The following GUCY1B1 variants were observed in gnomAD, a reference collection of about 807,000 sequenced individuals.
The protein encoded by GUCY1B1 is guanylate cyclase soluble subunit beta-1.
In GUCY1B1, 43 loss-of-function variants were observed where a neutral mutation model predicts 71.0. The ratio of observed to expected loss-of-function variants is 0.61; its 90% CI spans 0.47 to 0.78. The LOEUF (loss-of-function observed/expected upper bound fraction) is 0.78. Ranked by LOEUF, GUCY1B1 falls within the 30% of genes least tolerant of loss-of-function variation. The probability of loss-of-function intolerance (pLI) is 0.00; values close to 1 mark genes in which losing one functional copy is unlikely to be tolerated. For synonymous variants in GUCY1B1, 266 were observed against 259.7 expected, an observed-to-expected ratio of 1.02 and a Z score of -0.23; for missense variants, 535 against 754.1, an observed-to-expected ratio of 0.71 and a Z score of 3.40.
intron 2 of GUCY1B1, among the ~76,000 whole-genome samples, chr4:155,772,431 C>A (rs1242388711): frequency 6.6e-6 from 1 of 152,100 alleles, no homozygotes; most frequent in Non-Finnish European, 1.5e-5. Context: ...TGTTTGTTAG[C>A]TGAGTCAGGA....
chr4:155,785,108 C>A (rs1025980014), intron 4 of GUCY1B1, among the ~76,000 whole-genome samples: 2 of 152,132 alleles, frequency 1.3e-5, no homozygotes, highest in African/African-American at 4.8e-5. Context: ...AGTAGAAAAA[C>A]CACATTCATT....
At chr4:155,800,131 A>G in intron 9 of GUCY1B1, 57 bp downstream of exon 9, 2 of 1,215,662 alleles carry the variant, frequency 1.6e-6, no homozygotes, top group Non-Finnish European at 2.3e-6. Flanking sequence ...TGACTCTACT[A>G]TATTTAAGTT....
chr4:155,802,842 TA>T lies in GUCY1B1; in HGVS notation c.1413+264del, dbSNP rs1378342323. ...AAATGTTCACCATCTTATTTGCACT[TA>T]GGCTAACAAATCTGGACAGGCTGTT... On this transcript the variant is annotated intron_variant, in intron 10 of 13. Transcript: ENST00000264424. The surrounding 1 kb of genome is among the most constrained non-coding windows in gnomAD (Gnocchi z 4.3). 6.6e-6 allele frequency among the ~76,000 whole-genome samples: 1 copy of T among 152,208 alleles called. No individual in the cohort carries two copies. The highest frequency in any genetic ancestry group is 1.5e-5 in the Non-Finnish European group (1 of 68,034).
At position 155,802,651 on chromosome 4, in the gene GUCY1B1, T is replaced by G. The variant is rs968912383; in HGVS notation, c.1413+72T>G. ...TTCTGAGACTCCCCTCCAGAGGCCA[T>G]GTCATCACAGCTCTCTGACTCCAGC... On this transcript the variant is annotated intron_variant, in intron 10 of 13. Coordinates refer to ENST00000264424, the MANE Select transcript of GUCY1B1 (RefSeq NM_000857.5). This position sits in a 1 kb window ranked among gnomAD's most constrained non-coding sequence, Gnocchi z 4.3. 7.5e-7 allele frequency: 1 copy of G among 1,336,120 alleles called. No homozygotes were observed. Among genetic ancestry groups the G allele is most frequent in the Middle Eastern group, 1.9e-4 (1 of 5,256 alleles). The allele number at this position is 1,336,120 out of a possible 1,614,324, so 82.8% of individuals were successfully genotyped here.
At chr4:155,795,277 A>T (rs1481636980) in intron 6 of GUCY1B1, 64 bp from the exon 7 acceptor site, 13 of 752,034 alleles carry the variant, frequency 1.7e-5, no homozygotes, top group Non-Finnish European at 3.0e-5. Context: ...TCAAGCGATT[A>T]ATATCAAAGT....
At chr4:155,773,957 G>A (rs1260536845) in intron 2 of GUCY1B1, among the ~76,000 whole-genome samples, 1 of 152,146 alleles carries the variant, frequency 6.6e-6, no homozygotes, top group African/African-American at 2.4e-5. Flanking sequence ...AAAGTGCTGG[G>A]ATTACAGGCA....
chr4:155,787,453 T>C (rs1738874635), intron 4 of GUCY1B1, among the ~76,000 whole-genome samples: 1 of 152,218 alleles, frequency 6.6e-6, no homozygotes, highest in Non-Finnish European at 1.5e-5. Context: ...ATCATTTATC[T>C]GGATTAGATT....
chr4:155,775,235 C>T (rs1277467553), intron 3 of GUCY1B1, among the ~76,000 whole-genome samples, 167 bp downstream of exon 3: 2 of 152,152 alleles, frequency 1.3e-5, no homozygotes, highest in Non-Finnish European at 2.9e-5. Context: ...CAGGCTATGC[C>T]AAGTCTTATT....
chr4:155,789,798 G>T lies in GUCY1B1; in HGVS notation c.382G>T (p.Gly128Cys), dbSNP rs1422997636. The T allele has an allele frequency of 6.2e-7, 1 of 1,605,742 alleles. No individual in the cohort carries two copies. Reference protein sequence around the residue: ...PSFRCTDAEKGKGLILHYYSE... With the variant: ...PSFRCTDAEKCKGLILHYYSE... Reference sequence around the variant, plus strand: ...CTTTAGGTGCACTGATGCAGAAAAGGGCAAAGGACTCATTTTGCACTACTA... The same window carrying T: ...CTTTAGGTGCACTGATGCAGAAAAGTGCAAAGGACTCATTTTGCACTACTA... The change falls in exon 5 of 14, where the codon GGC becomes TGC. Residue 128 changes from glycine to cysteine, a missense_variant. Transcript: ENST00000264424.
intron 4 of GUCY1B1, among the ~76,000 whole-genome samples, chr4:155,782,552 G>A (rs777167566): frequency 1.3e-5 from 2 of 152,130 alleles, no homozygotes; most frequent in African/African-American, 2.4e-5. Flanking sequence ...ATGTCCTATT[G>A]CATTATGGCA....
In GUCY1B1 at chr4:155,786,681, G is replaced by T. The variant is rs1018235148; in HGVS notation, c.298-3033G>T. Among the ~76,000 whole-genome samples the T allele has an allele frequency of 3.3e-5, 5 of 151,778 alleles. No individual in the cohort carries two copies. In the East Asian group the frequency reaches 7.8e-4, roughly 24 times the overall value. On this transcript the variant is annotated intron_variant, in intron 4 of 13. Coordinates refer to ENST00000264424, the MANE Select transcript of GUCY1B1 (RefSeq NM_000857.5). ...GTAGAGACGGGGTTTCACCGTGTTA[G>T]CCAGGATGGTCTTGATCTCCTGACC...
chr4:155,806,702 C>A lies in GUCY1B1; in HGVS notation c.*293C>A. The A allele has an allele frequency of 5.7e-6, 2 of 349,178 alleles. No homozygotes were observed. The highest frequency in any genetic ancestry group is 1.0e-5 in the Non-Finnish European group (2 of 193,742). 21.6% of individuals were successfully genotyped at this position (349,178 alleles called of 1,614,324 possible). On this transcript the variant is annotated 3_prime_UTR_variant, in exon 14 of 14. Transcript: ENST00000264424. ...AAGCATTACCTAACATGGTGATCTGCAAGTAGTAGGCACCCAATAAATATT... is the reference window on the plus strand; with the variant it reads ...AAGCATTACCTAACATGGTGATCTGAAAGTAGTAGGCACCCAATAAATATT...
intron 8 of GUCY1B1, among the ~76,000 whole-genome samples, chr4:155,797,246 A>G (rs1739617315): frequency 6.6e-6 from 1 of 152,184 alleles, no homozygotes; most frequent in Admixed American, 6.5e-5. Context: ...GTGTAGGTGC[A>G]TTATGTAGTA....
At position 155,807,732 on chromosome 4, in the gene GUCY1B1, T is replaced by A. The variant is rs1180149924; in HGVS notation, c.*1323T>A. The A allele has an allele frequency of 6.6e-6, 1 of 152,094 alleles. No individual in the cohort carries two copies. The highest frequency in any genetic ancestry group is 1.5e-5 in the Non-Finnish European group (1 of 68,002). The allele number at this position is 152,094 out of a possible 1,614,324, so 9.4% of individuals were successfully genotyped here. On this transcript the variant is annotated 3_prime_UTR_variant, in exon 14 of 14. Coordinates refer to ENST00000264424, the MANE Select transcript of GUCY1B1 (RefSeq NM_000857.5). ...CACTGACTCCTCATAGACAGCATAT[T>A]CTTAAATGCTATATTTCTTTTTAAT...
At chr4:155,799,421 G>T (rs922844661) in intron 8 of GUCY1B1, among the ~76,000 whole-genome samples, 2 of 151,968 alleles carry the variant, frequency 1.3e-5, no homozygotes, top group Non-Finnish European at 2.9e-5. Flanking sequence ...TTCCAAAAGG[G>T]AAAAATAAGC....
At chr4:155,805,060 T>C in intron 12 of GUCY1B1, 43 bp from the exon 13 acceptor site, 1 of 1,565,262 alleles carries the variant, frequency 6.4e-7, no homozygotes. Flanking sequence ...TCTATAAAAC[T>C]TGTGTATACT....
intron 4 of GUCY1B1, among the ~76,000 whole-genome samples, chr4:155,780,484 T>C (rs1738343242): frequency 6.6e-6 from 1 of 152,202 alleles, no homozygotes; most frequent in South Asian, 2.1e-4. Flanking sequence ...GCCACAGTAG[T>C]TTTCATACTG....
intron 2 of GUCY1B1, among the ~76,000 whole-genome samples, chr4:155,771,383 G>A (rs1737685544): frequency 6.6e-6 from 1 of 152,160 alleles, no homozygotes; most frequent in Non-Finnish European, 1.5e-5. Context: ...CTGAGGAAAT[G>A]GCTGTTCCCC....
intron 4 of GUCY1B1, among the ~76,000 whole-genome samples, chr4:155,783,055 A>G (rs564923370): frequency 6.6e-6 from 1 of 152,334 alleles, no homozygotes; most frequent in East Asian, 1.9e-4. Flanking sequence ...ATGAAAAATA[A>G]CAAATAAATT....
Sources: gnomAD v4.1 joint callset for allele counts (sites outside exome capture counted in the v4.1 genomes callset) on GRCh38, gnomAD v4.1.1 for gene constraint, Gnocchi (gnomAD v3.1) non-coding constraint, MANE v1.5 for transcripts, NCBI Gene and HGNC (gene_info 2026-07-23, HGNC 2026-07-21) for gene names.